Variants in KDM4B observed in about 807,000 individuals in gnomAD.
KDM4B encodes lysine demethylase 4B, also known as lysine-specific demethylase 4B.
In KDM4B, 32 loss-of-function variants were observed where a neutral mutation model predicts 125.2. The ratio of observed to expected loss-of-function variants is 0.26; its 90% CI spans 0.19 to 0.34. The LOEUF is 0.34. KDM4B is among the 10% of genes least tolerant of loss of function. The pLI is 1.00. For synonymous variants in KDM4B, 721 were observed against 677.9 expected (o/e 1.06, Z -0.99); for missense variants, 1,190 against 1,577.7 (o/e 0.75, Z 4.16).
rs116624203 is a variant in KDM4B at position 4,997,592 on chromosome 19, C to T, written c.-108-18665C>T. ...CTTCCTGCCTGTGCCTCAGTTTCCT[C>T]TCCTGGGAAATGGGCTGGAATAGCT... On this transcript the variant is annotated intron_variant, in intron 1 of 22. Transcript: ENST00000159111. This position sits in a 1 kb window ranked among gnomAD's most constrained non-coding sequence, Gnocchi z 4.2. 6.6e-3 allele frequency among the ~76,000 whole-genome samples: 1,004 copies of T among 152,318 alleles called. 9 individuals carry two copies. The highest frequency in any genetic ancestry group is 0.023 in the African/African-American group (960 of 41,562).
At chr19:5,032,835 C>G (rs1240463045) in intron 2 of KDM4B, 31 bp from the exon 3 acceptor site, 63 of 1,595,102 alleles carry the variant, frequency 3.9e-5, no homozygotes, top group Non-Finnish European at 5.4e-5. Context: ...GGCGGCACCG[C>G]TGGTTCACCC....
intron 9 of KDM4B, among the ~76,000 whole-genome samples, chr19:5,107,892 G>C (rs1022856631): frequency 3.3e-5 from 5 of 152,234 alleles, no homozygotes; most frequent in Admixed American, 6.5e-5. Context: ...CCTTCCTGCT[G>C]TTTGCTTCTT....
At chr19:5,088,093 C>T (rs1295760892) in intron 9 of KDM4B, among the ~76,000 whole-genome samples, 1 of 152,242 alleles carries the variant, frequency 6.6e-6, no homozygotes. Context: ...TCCTTGTGTT[C>T]ACTGCCTGCC....
intron 1 of KDM4B, among the ~76,000 whole-genome samples, chr19:5,006,967 C>T (rs2035580782): frequency 6.6e-6 from 1 of 152,114 alleles, no homozygotes; most frequent in Non-Finnish European, 1.5e-5. Flanking sequence ...CCAGAGCGGG[C>T]CCCAGCCACC....
At chr19:5,029,995 A>G (rs2036400187) in intron 2 of KDM4B, among the ~76,000 whole-genome samples, 1 of 152,222 alleles carries the variant, frequency 6.6e-6, no homozygotes, top group South Asian at 2.1e-4. Flanking sequence ...GTAACCTGCC[A>G]TGGGCTTTTG....
chr19:5,130,342 GTTTTA>G (rs933620695), intron 11 of KDM4B, among the ~76,000 whole-genome samples: 4 of 152,170 alleles, frequency 2.6e-5, no homozygotes, highest in African/African-American at 9.6e-5. Context: ...GCTCATCCCA[GTTTTA>G]TTTTATTTAC....
At chr19:5,020,085 ATGT>A (rs1201307958) in intron 2 of KDM4B, among the ~76,000 whole-genome samples, 1 of 80,190 alleles carries the variant, frequency 1.2e-5, no homozygotes, top group Non-Finnish European at 2.4e-5. Context: ...GTTGGTGTGG[ATGT>A]TGGTGTGCAG....
At chr19:4,978,922 G>A (rs1199829705) in intron 1 of KDM4B, among the ~76,000 whole-genome samples, 3 of 152,334 alleles carry the variant, frequency 2.0e-5, no homozygotes, top group East Asian at 1.9e-4. Flanking sequence ...GGGGCGCAGG[G>A]TGGCCAGATG....
intron 2 of KDM4B, among the ~76,000 whole-genome samples, chr19:5,032,163 A>G (rs1371477816): frequency 6.6e-6 from 1 of 152,178 alleles, no homozygotes; most frequent in Non-Finnish European, 1.5e-5. Flanking sequence ...CGTGGAGAGG[A>G]CAGTCTGACT....
Position 5,066,670 on chromosome 19 carries a change from G to A in KDM4B, c.627-4340G>A, listed in dbSNP as rs143964738. Among the ~76,000 whole-genome samples, 22 of 152,340 alleles carry A rather than the reference G, an allele frequency of 1.4e-4. No homozygotes were observed. In the East Asian group the frequency reaches 3.1e-3, roughly 21 times the overall value. On this transcript the variant is annotated intron_variant, in intron 6 of 22. Coordinates refer to ENST00000159111, the MANE Select transcript of KDM4B (RefSeq NM_015015.3). ...TTCTTGACCTCCTGGTCACCACCAC[G>A]TATGGCTCTCACGGAGCTTGTGGAG...
chr19:4,979,454 T>C (rs1328571928), intron 1 of KDM4B, among the ~76,000 whole-genome samples: 2 of 152,166 alleles, frequency 1.3e-5, no homozygotes, highest in African/African-American at 4.8e-5. Flanking sequence ...GGGTGTGGCC[T>C]GGGAGATCTG....
At chr19:5,117,009 CA>C (rs1443776094) in intron 10 of KDM4B, among the ~76,000 whole-genome samples, 2 of 152,162 alleles carry the variant, frequency 1.3e-5, no homozygotes, top group African/African-American at 4.8e-5. Flanking sequence ...ACAGATGCCC[CA>C]AGTGATGGCT....
intron 6 of KDM4B, among the ~76,000 whole-genome samples, chr19:5,069,345 T>C (rs1466651734): frequency 6.6e-6 from 1 of 152,194 alleles, no homozygotes; most frequent in Non-Finnish European, 1.5e-5. Context: ...AGTCTTGCTC[T>C]GTTGCCCAGG....
intron 9 of KDM4B, among the ~76,000 whole-genome samples, chr19:5,098,431 G>A (rs919597129): frequency 1.3e-5 from 2 of 152,210 alleles, no homozygotes; most frequent in East Asian, 1.9e-4. Context: ...TGCCCTGCCT[G>A]TTCCCTTGTA....
intron 10 of KDM4B, among the ~76,000 whole-genome samples, chr19:5,117,981 C>A (rs982056442): frequency 6.6e-6 from 1 of 151,984 alleles, no homozygotes; most frequent in Non-Finnish European, 1.5e-5. Flanking sequence ...AGGAGGCGCC[C>A]CAGAAGCCAG....
At chr19:5,018,927 G>A (rs1259848074) in intron 2 of KDM4B, among the ~76,000 whole-genome samples, 1 of 152,262 alleles carries the variant, frequency 6.6e-6, no homozygotes, top group Non-Finnish European at 1.5e-5. Context: ...GCGTTCTGCT[G>A]TGTGTGGTGC....
In KDM4B at chr19:5,032,848, T is replaced by G. The variant is rs570512318; in HGVS notation, c.-25-18T>G. On this transcript the variant is annotated intron_variant, in intron 2 of 22. Transcript: ENST00000159111. ...ATGGCGGCACCGCTGGTTCACCCTC[T>G]CTCGTCTTCCTCCACAGGTGTGCTT... The G allele has an allele frequency of 1.2e-6, 2 of 1,607,454 alleles. No homozygotes were observed. The highest frequency in any genetic ancestry group is 2.2e-5 in the East Asian group (1 of 44,722).
intron 11 of KDM4B, among the ~76,000 whole-genome samples, chr19:5,125,223 A>G (rs756704118): frequency 6.6e-6 from 1 of 151,954 alleles, no homozygotes; most frequent in Non-Finnish European, 1.5e-5. Context: ...TTATTTACTA[A>G]TCTTCCCAAG....
At chr19:5,138,647 C>A (rs1479830757) in intron 18 of KDM4B, among the ~76,000 whole-genome samples, 1 of 151,942 alleles carries the variant, frequency 6.6e-6, no homozygotes, top group South Asian at 2.1e-4. Context: ...CAGAGCCAGG[C>A]ACTGTCTCAA....
Sources: allele counts gnomAD v4.1 joint callset (sites outside exome capture counted in the v4.1 genomes callset), GRCh38; gene constraint gnomAD v4.1.1; non-coding constraint Gnocchi (gnomAD v3.1); transcripts MANE v1.5; gene names NCBI Gene and HGNC (gene_info 2026-07-23, HGNC 2026-07-21).